Variants in MAML3 observed in about 807,000 individuals in gnomAD.
The protein encoded by MAML3 is mastermind like transcriptional coactivator 3, also known as mastermind-like protein 3.
In MAML3, 27 loss-of-function variants were observed where a neutral mutation model predicts 101.9. The ratio of observed to expected loss-of-function variants is 0.27; its 90% confidence interval spans 0.20 to 0.37. The LOEUF is 0.37. Ranked by LOEUF, MAML3 falls within the 10% of genes least tolerant of loss-of-function variation. The pLI is 1.00. For synonymous variants in MAML3, 501 were observed against 555.9 expected (o/e 0.90, Z 1.39); for missense variants, 1,316 against 1,444.9 (o/e 0.91, Z 1.45).
At chr4:139,919,266 A>G (rs1733080752) in intron 1 of MAML3, among the ~76,000 whole-genome samples, 1 of 152,184 alleles carries the variant, frequency 6.6e-6, no homozygotes, top group Admixed American at 6.5e-5. Flanking sequence ...GGGATGAAGG[A>G]TCTCTCTAAG....
intron 2 of MAML3, among the ~76,000 whole-genome samples, chr4:139,838,819 C>A (rs1170739307): frequency 1.3e-5 from 2 of 152,142 alleles, no homozygotes; most frequent in Non-Finnish European, 2.9e-5. Flanking sequence ...ACTTTCAAAG[C>A]ATCCCCACAG....
At chr4:139,838,928 C>T (rs1344863321) in intron 2 of MAML3, among the ~76,000 whole-genome samples, 2 of 152,154 alleles carry the variant, frequency 1.3e-5, no homozygotes, top group Non-Finnish European at 2.9e-5. Flanking sequence ...GTGTCAGCAA[C>T]ATAGTTCTAA....
At chr4:139,958,493 T>TAG (rs1560849011) in intron 1 of MAML3, among the ~76,000 whole-genome samples, 1 of 152,198 alleles carries the variant, frequency 6.6e-6, no homozygotes. Context: ...GGTGTACAGT[T>TAG]ACAATTGCCA....
chr4:140,001,150 C>G (rs947404328), intron 1 of MAML3, among the ~76,000 whole-genome samples: 17 of 152,166 alleles, frequency 1.1e-4, no homozygotes, highest in African/African-American at 3.6e-4. Flanking sequence ...CTGTTTCAGC[C>G]TGGAATGGAA....
intron 1 of MAML3, among the ~76,000 whole-genome samples, chr4:140,098,991 T>C (rs1728210040): frequency 6.6e-6 from 1 of 152,222 alleles, no homozygotes; most frequent in African/African-American, 2.4e-5. Flanking sequence ...TCCCTTGATG[T>C]CTCGGTCTGT....
chr4:139,964,868 T>C (rs1333187430), intron 1 of MAML3, among the ~76,000 whole-genome samples: 1 of 152,016 alleles, frequency 6.6e-6, no homozygotes, highest in Non-Finnish European at 1.5e-5. Context: ...CCAGGAAAAG[T>C]AAAAAAAGAA....
At chr4:139,863,067 T>C (rs1337106465) in intron 2 of MAML3, among the ~76,000 whole-genome samples, 1 of 150,640 alleles carries the variant, frequency 6.6e-6, no homozygotes, top group Non-Finnish European at 1.5e-5. Context: ...GGAAAGTCGC[T>C]TGAACCCAGG....
intron 1 of MAML3, among the ~76,000 whole-genome samples, chr4:140,086,488 G>C (rs1164888994): frequency 6.6e-6 from 1 of 152,138 alleles, no homozygotes; most frequent in Non-Finnish European, 1.5e-5. Flanking sequence ...TGAGAACAGA[G>C]AGGATGAAGA....
intron 2 of MAML3, among the ~76,000 whole-genome samples, chr4:139,759,458 T>C (rs984941833): frequency 1.3e-5 from 2 of 152,220 alleles, no homozygotes; most frequent in Non-Finnish European, 2.9e-5. Context: ...ACTCCTCACC[T>C]TGAACCAGCA....
chr4:140,097,545 A>C (rs1728183665), intron 1 of MAML3, among the ~76,000 whole-genome samples: 1 of 152,252 alleles, frequency 6.6e-6, no homozygotes, highest in East Asian at 1.9e-4. Flanking sequence ...ATTTAAAAAA[A>C]AGTTGGGAAG....
chr4:139,934,044 A>ACACTAAGTGTGTGAATTTGT (rs1329671371), intron 1 of MAML3, among the ~76,000 whole-genome samples: 1 of 152,048 alleles, frequency 6.6e-6, no homozygotes, highest in African/African-American at 2.4e-5. Flanking sequence ...GGACTGTGTG[A>ACACTAAGTGTGTGAATTTGT]CACTAAGTGT....
chr4:139,734,366 T>C (rs978756690), intron 2 of MAML3, among the ~76,000 whole-genome samples: 2 of 152,194 alleles, frequency 1.3e-5, no homozygotes, highest in South Asian at 4.1e-4. Context: ...GTATTTTTAG[T>C]TGTAATTACT....
At chr4:139,752,400 C>T (rs1729528320) in intron 2 of MAML3, among the ~76,000 whole-genome samples, 1 of 152,138 alleles carries the variant, frequency 6.6e-6, no homozygotes, top group Non-Finnish European at 1.5e-5. Context: ...CATGGCGGAC[C>T]CAACTCCTCT....
At chr4:139,751,436 A>G (rs1307064338) in intron 2 of MAML3, among the ~76,000 whole-genome samples, 1 of 152,236 alleles carries the variant, frequency 6.6e-6, no homozygotes, top group Non-Finnish European at 1.5e-5. Context: ...TGTGAAGGTA[A>G]TTACATACAA....
chr4:140,018,152 G>T (rs879348700), intron 1 of MAML3, among the ~76,000 whole-genome samples: 4 of 152,078 alleles, frequency 2.6e-5, no homozygotes, highest in Non-Finnish European at 5.9e-5. Context: ...ATTTTAATTT[G>T]AGAACTACTC....
chr4:139,981,536 T>C (rs1005548181), intron 1 of MAML3, among the ~76,000 whole-genome samples: 1 of 152,322 alleles, frequency 6.6e-6, no homozygotes, highest in African/African-American at 2.4e-5. Context: ...CATGGTACAT[T>C]TGTCACAACT....
chr4:140,105,373 G>A (rs1041346488), intron 1 of MAML3, among the ~76,000 whole-genome samples: 2 of 152,192 alleles, frequency 1.3e-5, no homozygotes, highest in Non-Finnish European at 2.9e-5. Context: ...CCTGGTCTTA[G>A]CCAGACACTT....
At chr4:139,897,984 A>C (rs569237985) in intron 1 of MAML3, among the ~76,000 whole-genome samples, 156 of 152,192 alleles carry the variant, frequency 1.0e-3, no homozygotes, top group African/African-American at 3.7e-3. Context: ...CACTTAACCA[A>C]CTTCTTCACC....
At chr4:140,130,969 T>C (rs1728783679) in intron 1 of MAML3, among the ~76,000 whole-genome samples, 2 of 152,010 alleles carry the variant, frequency 1.3e-5, no homozygotes, top group South Asian at 2.1e-4. Context: ...AGGTTCTAAA[T>C]AGAGAGGACC....
Sources: gnomAD v4.1 joint callset for allele counts (sites outside exome capture counted in the v4.1 genomes callset) on GRCh38, gnomAD v4.1.1 for gene constraint, MANE v1.5 for transcripts, NCBI Gene and HGNC (gene_info 2026-07-23, HGNC 2026-07-21) for gene names.